Variants in DPP6 observed in about 807,000 individuals in gnomAD.
DPP6 encodes A-type potassium channel modulatory protein DPP6.
In DPP6, 69 loss-of-function variants were observed where a neutral mutation model predicts 122.6. The observed-to-expected ratio is 0.56, with a 90% confidence interval of 0.46 to 0.69. The LOEUF (loss-of-function observed/expected upper bound fraction) is 0.69, where lower values mean the gene tolerates loss of function less well. DPP6 is among the 30% of genes least tolerant of loss of function. The pLI, the probability that DPP6 is intolerant of heterozygous loss-of-function variation, is 0.00. For synonymous variants in DPP6, 418 were observed against 433.1 expected (o/e 0.97, Z 0.43); for missense variants, 928 against 1,116.9 (o/e 0.83, Z 2.41).
At chr7:153,952,432 G>GA (rs1802262680) in intron 1 of DPP6, among the ~76,000 whole-genome samples, 1 of 152,202 alleles carries the variant, frequency 6.6e-6, no homozygotes, top group Admixed American at 6.5e-5. Context: ...ATCTCACTCA[G>GA]ATTCAAATCC....
At chr7:154,061,875 C>G (rs1158344855) in intron 1 of DPP6, among the ~76,000 whole-genome samples, 25 of 129,136 alleles carry the variant, frequency 1.9e-4, no homozygotes, top group Middle Eastern at 4.4e-3. Context: ...GCACCCCCCG[C>G]GAGGCAGGGA....
At chr7:154,825,514 C>A (rs1208691393) in intron 16 of DPP6, among the ~76,000 whole-genome samples, 1 of 152,170 alleles carries the variant, frequency 6.6e-6, no homozygotes, top group African/African-American at 2.4e-5. Context: ...CTCTTTGGCA[C>A]CTCAGTGCCT....
chr7:153,844,496 A>C, the DPP6 span, among the ~76,000 whole-genome samples: 1 of 152,248 alleles, frequency 6.6e-6, no homozygotes, highest in Non-Finnish European at 1.5e-5. Flanking sequence ...GTGACACCCA[A>C]TGAACCATTC....
chr7:153,803,526 T>C, the DPP6 span, among the ~76,000 whole-genome samples: 1 of 152,044 alleles, frequency 6.6e-6, no homozygotes, highest in Admixed American at 6.6e-5. Flanking sequence ...TTCACGCCAC[T>C]GTCTCCTTGG....
intron 1 of DPP6, among the ~76,000 whole-genome samples, chr7:154,142,039 A>C (rs1287818884): frequency 6.6e-6 from 1 of 152,226 alleles, no homozygotes; most frequent in African/African-American, 2.4e-5. Flanking sequence ...TATGCAATTA[A>C]TTAGGCATCC....
chr7:154,060,814 A>C (rs10228136), intron 1 of DPP6, among the ~76,000 whole-genome samples: 3 of 102,750 alleles, frequency 2.9e-5, no homozygotes, highest in Non-Finnish European at 5.7e-5. Flanking sequence ...CGCACCCCCC[A>C]TGAGGCAGGG....
chr7:153,778,043 A>G, the DPP6 span, among the ~76,000 whole-genome samples: 1 of 148,430 alleles, frequency 6.7e-6, no homozygotes, highest in Non-Finnish European at 1.5e-5. Flanking sequence ...TTGACTTGAT[A>G]CTATAAGCCC....
chr7:154,199,506 T>G (rs2150782238), intron 1 of DPP6, among the ~76,000 whole-genome samples: 1 of 152,326 alleles, frequency 6.6e-6, no homozygotes, highest in East Asian at 1.9e-4. Context: ...TTTGTTCATT[T>G]ATTTGCCCGT....
intron 3 of DPP6, among the ~76,000 whole-genome samples, chr7:154,536,180 G>A (rs1021744209): frequency 2.0e-5 from 3 of 152,110 alleles, no homozygotes; most frequent in African/African-American, 4.8e-5. Flanking sequence ...GTAAGTGAAA[G>A]GAGAGAAACA....
At chr7:154,453,249 A>T (rs1201269471) in intron 2 of DPP6, among the ~76,000 whole-genome samples, 1 of 152,126 alleles carries the variant, frequency 6.6e-6, no homozygotes, top group Non-Finnish European at 1.5e-5. Context: ...ACACTAGAAC[A>T]CTTTTAGGTG....
At chr7:154,649,570 G>A (rs1245713557) in intron 6 of DPP6, among the ~76,000 whole-genome samples, 2 of 152,188 alleles carry the variant, frequency 1.3e-5, no homozygotes, top group East Asian at 1.9e-4. Context: ...TATGGCAGGT[G>A]GAATCCACCA....
At chr7:154,480,354 G>A (rs1282459406) in intron 3 of DPP6, among the ~76,000 whole-genome samples, 2 of 151,952 alleles carry the variant, frequency 1.3e-5, no homozygotes, top group Non-Finnish European at 2.9e-5. Context: ...AGGCTACCAC[G>A]CCCAGCACTC....
At chr7:154,103,250 A>G (rs1805884369) in intron 1 of DPP6, among the ~76,000 whole-genome samples, 1 of 152,146 alleles carries the variant, frequency 6.6e-6, no homozygotes. Context: ...TCCTAAAACC[A>G]TCTGCTCATT....
At chr7:154,718,366 T>C (rs1323543915) in intron 7 of DPP6, among the ~76,000 whole-genome samples, 1 of 152,238 alleles carries the variant, frequency 6.6e-6, no homozygotes, top group Non-Finnish European at 1.5e-5. Flanking sequence ...TTTCTTCTTG[T>C]TGTTTTATAA....
chr7:154,253,335 T>C (rs114341398), intron 1 of DPP6, among the ~76,000 whole-genome samples: 250 of 152,270 alleles, frequency 1.6e-3, no homozygotes, highest in African/African-American at 5.8e-3. Context: ...CAAAAGTGAA[T>C]GCAGGTGATA....
chr7:153,914,506 A>G (rs1800223407), intron 1 of DPP6, among the ~76,000 whole-genome samples: 2 of 152,134 alleles, frequency 1.3e-5, no homozygotes, highest in Non-Finnish European at 2.9e-5. Context: ...CCACAGCCCT[A>G]TCTTTGAGGG....
intron 1 of DPP6, among the ~76,000 whole-genome samples, chr7:154,093,206 CCACA>C (rs1563192094): frequency 6.7e-6 from 1 of 149,764 alleles, no homozygotes; most frequent in African/African-American, 2.5e-5. Flanking sequence ...AACTTACATA[CCACA>C]TCATACACAT....
intron 1 of DPP6, among the ~76,000 whole-genome samples, chr7:154,362,214 GA>G (rs1811789600): frequency 6.6e-6 from 1 of 152,202 alleles, no homozygotes; most frequent in South Asian, 2.1e-4. Flanking sequence ...CAATATGAGA[GA>G]TGCAGGCTGC....
chr7:154,057,660 C>G (rs12534254), intron 1 of DPP6: 22,715 of 150,504 alleles, frequency 0.15, 2,246 homozygotes, highest in Middle Eastern at 0.21. Flanking sequence ...CAGTATTAGC[C>G]AAGCCTTTGT....
Sources: gnomAD v4.1 joint callset for allele counts (sites outside exome capture counted in the v4.1 genomes callset) on GRCh38, gnomAD v4.1.1 for gene constraint, MANE v1.5 for transcripts, NCBI Gene and HGNC (gene_info 2026-07-23, HGNC 2026-07-21) for gene names.